The following PTPRD variants were observed in gnomAD, a reference collection of about 807,000 sequenced individuals.
PTPRD encodes receptor-type tyrosine-protein phosphatase delta.
Under a neutral mutation model 214.5 loss-of-function variants are expected in PTPRD, and 34 were observed. The ratio of observed to expected loss-of-function variants is 0.16; its 90% CI spans 0.12 to 0.21. The LOEUF (loss-of-function observed/expected upper bound fraction) is 0.21. Ranked by LOEUF, PTPRD falls within the 10% of genes least tolerant of loss-of-function variation. The probability of loss-of-function intolerance (pLI) is 1.00; values close to 1 mark genes in which losing one functional copy is unlikely to be tolerated. For synonymous variants in PTPRD, 1,128 were observed against 845.7 expected, an observed-to-expected ratio of 1.33 and a Z score of -5.79; for missense variants, 2,545 against 2,398.7, an observed-to-expected ratio of 1.06 and a Z score of -1.27.
intron 8 of PTPRD, among the ~76,000 whole-genome samples, chr9:9,558,522 G>T (rs868267018): frequency 6.6e-6 from 1 of 152,094 alleles, no homozygotes; most frequent in African/African-American, 2.4e-5. Context: ...ACATAGACAG[G>T]CTTGACCCAT....
intron 5 of PTPRD, among the ~76,000 whole-genome samples, chr9:9,805,288 G>A (rs2099065871): frequency 6.6e-6 from 1 of 152,004 alleles, no homozygotes; most frequent in Admixed American, 6.6e-5. Flanking sequence ...CCCTTTGTTT[G>A]GTAAATGTAC....
intron 12 of PTPRD, among the ~76,000 whole-genome samples, chr9:8,686,999 C>T (rs2097693709): frequency 2.0e-5 from 3 of 152,132 alleles, no homozygotes; most frequent in Non-Finnish European, 4.4e-5. Context: ...GCCTGTGTAA[C>T]ATTGCTTTTC....
chr9:9,585,697 C>T (rs2091817957), intron 7 of PTPRD, among the ~76,000 whole-genome samples: 1 of 152,106 alleles, frequency 6.6e-6, no homozygotes, highest in Non-Finnish European at 1.5e-5. Flanking sequence ...AATTCTACCT[C>T]TGTTGTCTTC....
chr9:10,186,072 C>G (rs2099328885), intron 3 of PTPRD, among the ~76,000 whole-genome samples: 2 of 144,244 alleles, frequency 1.4e-5, no homozygotes, highest in African/African-American at 5.5e-5. Context: ...GATAATTATG[C>G]TAGAAATAAA....
intron 6 of PTPRD, among the ~76,000 whole-genome samples, chr9:9,757,387 A>T (rs2098597369): frequency 6.6e-6 from 1 of 152,186 alleles, no homozygotes; most frequent in Non-Finnish European, 1.5e-5. Flanking sequence ...TTCTGGGCTT[A>T]AATAAGTCTT....
rs117460652 is a variant in PTPRD at position 10,258,684 on chromosome 9, T to A, written c.-545+82279A>T. On this transcript the variant is annotated intron_variant, in intron 3 of 45. Transcript: ENST00000381196. ...TGCCTATAGAAATACCAAATTTGTA[T>A]GGAGTATACATATAGGCACTAGAGT... is the stretch of plus-strand genomic sequence containing the variant. Among the ~76,000 whole-genome samples, 1,166 of 152,304 alleles carry A rather than the reference T, an allele frequency of 7.7e-3. 5 individuals are homozygous for A. Among genetic ancestry groups the A allele is most frequent in the Middle Eastern group, 0.044 (13 of 294 alleles).
chr9:8,331,500 G>A (rs1841029978), intron 44 of PTPRD, 82 bp downstream of exon 44: 2 of 1,489,020 alleles, frequency 1.3e-6, no homozygotes, highest in Non-Finnish European at 1.8e-6. Context: ...TTTCAAATAA[G>A]CAAACTTACT....
chr9:9,486,109 C>T (rs1011994847), intron 8 of PTPRD, among the ~76,000 whole-genome samples: 9 of 133,374 alleles, frequency 6.7e-5, no homozygotes, highest in African/African-American at 2.6e-4. Context: ...CGAGATCACG[C>T]CACTGCACTC....
intron 5 of PTPRD, among the ~76,000 whole-genome samples, chr9:9,768,622 T>A (rs1220623698): frequency 6.6e-6 from 1 of 152,162 alleles, no homozygotes; most frequent in Non-Finnish European, 1.5e-5. Flanking sequence ...TTCTTCCTAA[T>A]AGCTATAATT....
At position 8,492,870 on chromosome 9, in the gene PTPRD, G is replaced by C. The variant is rs1229093890; in HGVS notation, c.2459C>G (p.Thr820Ser). 1 of 1,612,750 alleles carries C rather than the reference G, an allele frequency of 6.2e-7. No homozygotes were observed. The highest frequency in any genetic ancestry group is 8.5e-7 in the Non-Finnish European group (1 of 1,178,938). The part of the protein sequence containing the change: ...ARSKPKLVST[T>S]GAVPGKPRLV... ...TGCACAGACATGATTACCTGCCCCA[G>C]TGGTGGACACCAGTTTGGGCTTGCT... is the stretch of plus-strand genomic sequence containing the variant. Residue 820 changes from threonine to serine, a missense_variant, in exon 27 of 46, where the codon ACT becomes AGT. Transcript: ENST00000381196.
chr9:9,334,004 C>A (rs542024486), intron 9 of PTPRD, among the ~76,000 whole-genome samples: 1 of 151,992 alleles, frequency 6.6e-6, no homozygotes, highest in Admixed American at 6.6e-5. Flanking sequence ...TATGACTAAG[C>A]TAGTCTGTAC....
intron 14 of PTPRD, among the ~76,000 whole-genome samples, chr9:8,606,724 T>G (rs1218153162): frequency 6.6e-6 from 1 of 152,360 alleles, no homozygotes; most frequent in East Asian, 1.9e-4. Context: ...ATTTTGTTTA[T>G]ATTTTATGCT....
chr9:9,219,641 A>G (rs1489281021), intron 9 of PTPRD, among the ~76,000 whole-genome samples: 1 of 152,190 alleles, frequency 6.6e-6, no homozygotes, highest in African/African-American at 2.4e-5. Flanking sequence ...CTTCGAATGT[A>G]TCAAGAGCAA....
chr9:10,595,543 G>A (rs12237637), intron 2 of PTPRD, among the ~76,000 whole-genome samples: 8 of 151,182 alleles, frequency 5.3e-5, no homozygotes, highest in South Asian at 4.2e-4. Context: ...TCTTTTTGGC[G>A]GCTCATTTTG....
intron 9 of PTPRD, among the ~76,000 whole-genome samples, chr9:9,345,716 G>C (rs2048537456): frequency 6.6e-6 from 1 of 151,866 alleles, no homozygotes. Context: ...CCAGTAGTAT[G>C]GTCTTGGATT....
At chr9:9,591,492 G>A (rs948466081) in intron 7 of PTPRD, among the ~76,000 whole-genome samples, 1 of 152,018 alleles carries the variant, frequency 6.6e-6, no homozygotes, top group African/African-American at 2.4e-5. Flanking sequence ...ACCCAGTTGA[G>A]CTGCACTGCA....
intron 39 of PTPRD, among the ~76,000 whole-genome samples, chr9:8,348,014 A>G (rs1051486575): frequency 7.2e-5 from 11 of 152,286 alleles, no homozygotes; most frequent in African/African-American, 2.4e-4. Context: ...TGCTAAATAA[A>G]GAGGGTGGAA....
At chr9:9,326,232 G>A (rs1056464163) in intron 9 of PTPRD, among the ~76,000 whole-genome samples, 4 of 151,998 alleles carry the variant, frequency 2.6e-5, no homozygotes, top group Non-Finnish European at 1.5e-5. Context: ...TTTGGATACT[G>A]TGATCTTTCA....
intron 3 of PTPRD, among the ~76,000 whole-genome samples, chr9:10,146,267 A>G (rs1265013021): frequency 6.6e-6 from 1 of 151,918 alleles, no homozygotes; most frequent in African/African-American, 2.4e-5. Context: ...ATATATACAT[A>G]CATACATAAA....
Sources: allele counts gnomAD v4.1 joint callset (sites outside exome capture counted in the v4.1 genomes callset), GRCh38; gene constraint gnomAD v4.1.1; transcripts MANE v1.5; gene names NCBI Gene and HGNC (gene_info 2026-07-23, HGNC 2026-07-21).